The following ADRA1B variants were observed in gnomAD, a reference collection of about 807,000 sequenced individuals.
ADRA1B encodes the protein adrenoceptor alpha 1B.
In ADRA1B, 17 loss-of-function variants were observed where a neutral mutation model predicts 17.9. That is an observed-to-expected ratio of 0.95 (90% CI 0.65 to 1.42). ADRA1B has a LOEUF of 1.42. ADRA1B is among the 40% of genes most tolerant of loss of function. The pLI is 0.00. For synonymous variants in ADRA1B, 366 were observed against 327.6 expected, an observed-to-expected ratio of 1.12 and a Z score of -1.27; for missense variants, 681 against 722.1, an observed-to-expected ratio of 0.94 and a Z score of 0.65.
At chr5:159,892,584 A>G (rs1350038812) in intron 1 of ADRA1B, among the ~76,000 whole-genome samples, 1 of 152,108 alleles carries the variant, frequency 6.6e-6, no homozygotes, top group East Asian at 1.9e-4. Context: ...AACATGTGGT[A>G]TTTGGCTTTC....
At chr5:159,983,942 T>G in the ADRA1B span, among the ~76,000 whole-genome samples, 3 of 152,036 alleles carry the variant, frequency 2.0e-5, no homozygotes, top group Non-Finnish European at 4.4e-5. Context: ...TCATCCTTAC[T>G]TCTCCTTGAG....
At chr5:159,896,522 G>T (rs1326531562) in intron 1 of ADRA1B, among the ~76,000 whole-genome samples, 1 of 152,174 alleles carries the variant, frequency 6.6e-6, no homozygotes. Flanking sequence ...CAAATGAAAG[G>T]TGTGTGCTCA....
intron 1 of ADRA1B, among the ~76,000 whole-genome samples, chr5:159,928,783 G>A (rs1754725827): frequency 6.6e-6 from 1 of 152,150 alleles, no homozygotes; most frequent in African/African-American, 2.4e-5. Flanking sequence ...ACTGTCATTC[G>A]CAGGCGTCAG....
chr5:159,916,883 G>A lies in ADRA1B; in HGVS notation c.-23G>A. 1 of 1,584,448 alleles carries A rather than the reference G, an allele frequency of 6.3e-7. No individual in the cohort carries two copies. ...CCCTTCCGAGCCCAATCATCCCCCT[G>A]GCTATGGAGGGCGGACTCTAAGATG... On this transcript the variant is annotated 5_prime_UTR_variant, in exon 1 of 2. Transcript: ENST00000306675.
chr5:159,908,332 A>G (rs1306645653), intron 1 of ADRA1B, among the ~76,000 whole-genome samples: 1 of 152,142 alleles, frequency 6.6e-6, no homozygotes, highest in Non-Finnish European at 1.5e-5. Flanking sequence ...TGGTTTGAAT[A>G]TGGTTTATTT....
At chr5:159,922,643 G>C (rs560167299) in intron 1 of ADRA1B, among the ~76,000 whole-genome samples, 205 of 152,166 alleles carry the variant, frequency 1.3e-3, no homozygotes, top group African/African-American at 4.8e-3. Context: ...GTATGACAAG[G>C]GTCTCTCAGG....
At chr5:159,974,083 A>G (rs1755935794), downstream of ADRA1B, among the ~76,000 whole-genome samples, 1 of 152,174 alleles carries the variant, frequency 6.6e-6, no homozygotes, top group African/African-American at 2.4e-5. Context: ...AAATACTTAA[A>G]GGGGAAAGAG....
intron 1 of ADRA1B, among the ~76,000 whole-genome samples, chr5:159,884,734 A>G (rs569965327): frequency 6.6e-6 from 1 of 152,354 alleles, no homozygotes; most frequent in East Asian, 1.9e-4. Context: ...CTGTAACCAT[A>G]AAACACAGAG....
intron 1 of ADRA1B, among the ~76,000 whole-genome samples, chr5:159,877,303 G>A (rs574874931): frequency 6.6e-6 from 1 of 152,222 alleles, no homozygotes; most frequent in South Asian, 2.1e-4. Context: ...AAGACCCGGG[G>A]ACAATAGGAG....
chr5:159,985,055 T>G, the ADRA1B span, among the ~76,000 whole-genome samples: 1 of 151,966 alleles, frequency 6.6e-6, no homozygotes. Context: ...ACCCCCTCCC[T>G]CACTCCACTT....
chr5:159,950,696 G>C, intron 1 of ADRA1B: 1 of 712,168 alleles, frequency 1.4e-6, no homozygotes, highest in South Asian at 1.5e-5. Flanking sequence ...CCCTTGGGGG[G>C]ACACTCCAAT....
chr5:159,977,989 C>T (rs899370831), downstream of ADRA1B, among the ~76,000 whole-genome samples: 2 of 152,106 alleles, frequency 1.3e-5, no homozygotes, highest in Non-Finnish European at 2.9e-5. Flanking sequence ...CTCTGACTGT[C>T]CAGGTTAAAA....
the ADRA1B span, among the ~76,000 whole-genome samples, chr5:159,988,712 G>T: frequency 3.3e-5 from 5 of 152,178 alleles, no homozygotes; most frequent in Non-Finnish European, 7.4e-5. Context: ...GCATGGTGGT[G>T]CATGCCTGCA....
chr5:159,922,388 C>T (rs1028574214), intron 1 of ADRA1B, among the ~76,000 whole-genome samples: 7 of 152,140 alleles, frequency 4.6e-5, no homozygotes, highest in Admixed American at 3.9e-4. Flanking sequence ...CAGAACAGAC[C>T]CATACCTGTT....
At chr5:159,944,292 C>T (rs1755213610) in intron 1 of ADRA1B, among the ~76,000 whole-genome samples, 1 of 152,186 alleles carries the variant, frequency 6.6e-6, no homozygotes, top group African/African-American at 2.4e-5. Context: ...GCCAGAGTGT[C>T]GTGCTCCTGT....
intron 1 of ADRA1B, among the ~76,000 whole-genome samples, chr5:159,927,675 A>G (rs1406140973): frequency 3.9e-5 from 6 of 152,206 alleles, no homozygotes; most frequent in African/African-American, 1.2e-4. Context: ...ACTTATTATA[A>G]TAACCCTTTC....
chr5:159,939,310 TGTGTGTGTGTGTGCGCGC>T lies in ADRA1B; in HGVS notation c.949+21458_949+21475del, dbSNP rs1223076658. On this transcript the variant is annotated intron_variant, in intron 1 of 1. Coordinates refer to ENST00000306675, the MANE Select transcript of ADRA1B (RefSeq NM_000679.4). Reference sequence around the variant, plus strand: ...GTGTGTGTGTGTGTGTGTGTGTGTGTGTGTGTGTGTGTGCGCGCGCGCGCGCACACAATGCACTGAGGA... The same window carrying T: ...GTGTGTGTGTGTGTGTGTGTGTGTGTGCGCGCGCACACAATGCACTGAGGA... 1.2e-3 allele frequency among the ~76,000 whole-genome samples: 163 copies of T among 136,726 alleles called. 1 individual carries two copies. Among genetic ancestry groups the T allele is most frequent in the African/African-American group, 4.8e-3 (160 of 33,620 alleles). The allele number at this position is 136,726 out of a possible 152,430, so 89.7% of individuals were successfully genotyped here.
downstream of ADRA1B, among the ~76,000 whole-genome samples, chr5:159,974,585 G>A (rs1345894446): frequency 2.1e-5 from 3 of 146,252 alleles, no homozygotes; most frequent in Admixed American, 6.9e-5. Flanking sequence ...GCAGTGGGCC[G>A]AAATCACACC....
intron 1 of ADRA1B, among the ~76,000 whole-genome samples, chr5:159,892,648 T>A (rs1753997557): frequency 6.6e-6 from 1 of 152,224 alleles, no homozygotes. Context: ...TCCATGTCCC[T>A]GCAAAAGACA....
Sources: allele counts gnomAD v4.1 joint callset (sites outside exome capture counted in the v4.1 genomes callset), GRCh38; gene constraint gnomAD v4.1.1; transcripts MANE v1.5; gene names NCBI Gene and HGNC (gene_info 2026-07-23, HGNC 2026-07-21).